Variants in SGCZ observed in about 807,000 individuals in gnomAD.
SGCZ encodes sarcoglycan zeta.
In SGCZ, 40 loss-of-function variants were observed where a neutral mutation model predicts 41.3. That is an observed-to-expected ratio of 0.97 (90% CI 0.75 to 1.26). The LOEUF (loss-of-function observed/expected upper bound fraction) is 1.26, where lower values mean the gene tolerates loss of function less well. SGCZ is among the 50% of genes most tolerant of loss of function. The probability of loss-of-function intolerance (pLI) is 0.00; values close to 1 mark genes in which losing one functional copy is unlikely to be tolerated. For missense variants in SGCZ, 552 were observed against 369.8 expected, an observed-to-expected ratio of 1.49 and a Z score of -4.04; for synonymous variants, 206 against 137.5, an observed-to-expected ratio of 1.50 and a Z score of -3.49.
intron 2 of SGCZ, among the ~76,000 whole-genome samples, chr8:14,402,134 TG>T (rs1470449187): frequency 6.6e-6 from 1 of 152,150 alleles, no homozygotes; most frequent in African/African-American, 2.4e-5. Flanking sequence ...TTGATGGGGT[TG>T]TTTGTTTTCT....
At chr8:14,284,927 A>ATT (rs1204907218) in intron 3 of SGCZ, among the ~76,000 whole-genome samples, 1 of 152,072 alleles carries the variant, frequency 6.6e-6, no homozygotes, top group Non-Finnish European at 1.5e-5. Flanking sequence ...GCCACTTTGT[A>ATT]TGTCTAGCAT....
chr8:14,144,695 G>A (rs1297014531), intron 5 of SGCZ, among the ~76,000 whole-genome samples: 1 of 152,196 alleles, frequency 6.6e-6, no homozygotes, highest in Admixed American at 6.5e-5. Context: ...CCCAGCTCCA[G>A]GACTTGACTC....
intron 4 of SGCZ, among the ~76,000 whole-genome samples, chr8:14,204,188 C>T (rs961830293): frequency 5.3e-5 from 8 of 151,784 alleles, no homozygotes; most frequent in Admixed American, 1.3e-4. Flanking sequence ...GGGCATAAAA[C>T]GAAAGAAATA....
intron 5 of SGCZ, among the ~76,000 whole-genome samples, chr8:14,114,454 T>G (rs1474152902): frequency 1.3e-5 from 2 of 151,948 alleles, no homozygotes; most frequent in South Asian, 2.1e-4. Context: ...ACCATATTGT[T>G]CATTTAGGAC....
intron 1 of SGCZ, among the ~76,000 whole-genome samples, chr8:15,227,114 G>A (rs1176099257): frequency 1.3e-5 from 2 of 152,160 alleles, no homozygotes; most frequent in African/African-American, 4.8e-5. Flanking sequence ...CAAGAGAAAG[G>A]TGGGAGGTGC....
At chr8:14,844,480 T>C (rs942542067) in intron 1 of SGCZ, among the ~76,000 whole-genome samples, 1 of 152,164 alleles carries the variant, frequency 6.6e-6, no homozygotes, top group South Asian at 2.1e-4. Flanking sequence ...TAGCTTCAAA[T>C]GCTATGGTGT....
At chr8:14,551,498 T>A (rs148963744) in intron 2 of SGCZ, among the ~76,000 whole-genome samples, 2,643 of 9,392 alleles carry the variant, frequency 0.28, 560 homozygotes, top group Non-Finnish European at 0.32. Flanking sequence ...ATTATATATA[T>A]TATATATATT....
intron 1 of SGCZ, among the ~76,000 whole-genome samples, chr8:15,051,274 G>A (rs991135558): frequency 6.6e-6 from 1 of 152,120 alleles, no homozygotes; most frequent in Non-Finnish European, 1.5e-5. Context: ...AAGAGAAAAA[G>A]AATATTTATT....
chr8:14,714,671 A>G (rs1395614856), intron 1 of SGCZ, among the ~76,000 whole-genome samples: 5 of 152,206 alleles, frequency 3.3e-5, no homozygotes. Flanking sequence ...TATCCAAGAG[A>G]AAACTGATCA....
rs571418422 is a variant in SGCZ at position 14,915,745 on chromosome 8, T to A, written c.39+321840A>T. ...AGCCTGCCTATAAAATCTGCTGTGG[T>A]CCCTGCCTCCCTGCTTTTTTGGAGG... On this transcript the variant is annotated intron_variant, in intron 1 of 7. Coordinates refer to ENST00000382080, the MANE Select transcript of SGCZ (RefSeq NM_139167.4). 4.9e-4 allele frequency among the ~76,000 whole-genome samples: 75 copies of A among 152,258 alleles called. 1 individual carries two copies. In the Middle Eastern group the frequency reaches 0.031, roughly 62 times the overall value.
chr8:14,269,803 C>T (rs905211004), intron 3 of SGCZ, among the ~76,000 whole-genome samples: 1 of 152,108 alleles, frequency 6.6e-6, no homozygotes, highest in Non-Finnish European at 1.5e-5. Flanking sequence ...CCAGGTTTGA[C>T]TGGGTCAACA....
chr8:14,793,863 C>A (rs1254452236), intron 1 of SGCZ, among the ~76,000 whole-genome samples: 2 of 152,100 alleles, frequency 1.3e-5, no homozygotes, highest in Non-Finnish European at 2.9e-5. Flanking sequence ...CCTGGAATAT[C>A]ATATCAATAC....
At chr8:14,451,303 G>T (rs139684722) in intron 2 of SGCZ, among the ~76,000 whole-genome samples, 7 of 152,054 alleles carry the variant, frequency 4.6e-5, no homozygotes, top group South Asian at 2.1e-4. Context: ...TATCATGAAG[G>T]TTCAGTGATC....
At chr8:14,679,799 C>T (rs554728394) in intron 1 of SGCZ, among the ~76,000 whole-genome samples, 1 of 152,176 alleles carries the variant, frequency 6.6e-6, no homozygotes, top group African/African-American at 2.4e-5. Flanking sequence ...AGAATAACTT[C>T]TAGACCTGCA....
At chr8:14,736,549 AT>A (rs990123335) in intron 1 of SGCZ, among the ~76,000 whole-genome samples, 15 of 152,076 alleles carry the variant, frequency 9.9e-5, no homozygotes, top group African/African-American at 3.4e-4. Context: ...TTCAGTGGTG[AT>A]TTGTAAGATC....
At chr8:15,110,796 C>T (rs1807019215) in intron 1 of SGCZ, among the ~76,000 whole-genome samples, 1 of 152,118 alleles carries the variant, frequency 6.6e-6, no homozygotes, top group Admixed American at 6.5e-5. Context: ...TGGAGAAACC[C>T]TGTCTCTACT....
At chr8:14,903,354 G>A (rs1163643459) in intron 1 of SGCZ, among the ~76,000 whole-genome samples, 1 of 152,062 alleles carries the variant, frequency 6.6e-6, no homozygotes, top group South Asian at 2.1e-4. Context: ...ACTAACTGCT[G>A]ACAGATATCA....
intron 2 of SGCZ, among the ~76,000 whole-genome samples, chr8:14,366,309 T>G (rs1211784790): frequency 6.6e-6 from 1 of 152,120 alleles, no homozygotes. Flanking sequence ...CAAAGGCCCA[T>G]CATACATGGT....
intron 1 of SGCZ, among the ~76,000 whole-genome samples, chr8:14,859,882 T>C (rs923807569): frequency 2.0e-5 from 3 of 152,210 alleles, no homozygotes; most frequent in Admixed American, 6.5e-5. Flanking sequence ...TGGCATATAG[T>C]AGACACTTAG....
Sources: allele counts gnomAD v4.1 joint callset (sites outside exome capture counted in the v4.1 genomes callset), GRCh38; gene constraint gnomAD v4.1.1; transcripts MANE v1.5; gene names NCBI Gene and HGNC (gene_info 2026-07-23, HGNC 2026-07-21).